Variants in CTNNA2 observed in about 807,000 individuals in gnomAD.
CTNNA2 encodes catenin alpha 2, also known as catenin alpha-2.
In CTNNA2, 42 loss-of-function variants were observed where a neutral mutation model predicts 101.0. The ratio of observed to expected loss-of-function variants is 0.42; its 90% CI spans 0.32 to 0.54. CTNNA2 has a LOEUF of 0.54. Ranked by LOEUF, CTNNA2 falls within the 20% of genes least tolerant of loss-of-function variation. The probability of loss-of-function intolerance (pLI) is 0.14; values close to 1 mark genes in which losing one functional copy is unlikely to be tolerated. For missense variants in CTNNA2, 871 were observed against 1,223.1 expected (o/e 0.71, Z 4.29); for synonymous variants, 450 against 456.4 (o/e 0.99, Z 0.18).
chr2:79,902,528 C>T (rs1685132678), intron 6 of CTNNA2, among the ~76,000 whole-genome samples: 1 of 152,166 alleles, frequency 6.6e-6, no homozygotes, highest in African/African-American at 2.4e-5. Flanking sequence ...ATCAACCTTC[C>T]ACCAGACTTC....
intron 4 of CTNNA2, among the ~76,000 whole-genome samples, chr2:79,449,064 C>A (rs1018956765): frequency 1.3e-5 from 2 of 151,948 alleles, no homozygotes; most frequent in African/African-American, 4.8e-5. Flanking sequence ...CAAGATAGTT[C>A]CTGTGACTCA....
intron 14 of CTNNA2, among the ~76,000 whole-genome samples, chr2:80,582,052 C>A (rs1210409759): frequency 6.6e-6 from 1 of 152,072 alleles, no homozygotes; most frequent in East Asian, 1.9e-4. Flanking sequence ...ACATAGCAAC[C>A]ACATCACAGC....
chr2:80,545,765 T>C, intron 10 of CTNNA2, 142 bp from the exon 11 acceptor site: 1 of 659,310 alleles, frequency 1.5e-6, no homozygotes, highest in Non-Finnish European at 2.4e-6. Flanking sequence ...ATCTTTTATG[T>C]GTTTGATTGT....
At chr2:79,469,194 G>C (rs907786895) in intron 4 of CTNNA2, among the ~76,000 whole-genome samples, 2 of 152,002 alleles carry the variant, frequency 1.3e-5, no homozygotes, top group African/African-American at 4.8e-5. Context: ...TGATAAAGAG[G>C]ATATCACCTC....
At chr2:79,649,733 C>T (rs368475598) in intron 1 of CTNNA2, among the ~76,000 whole-genome samples, 4 of 152,138 alleles carry the variant, frequency 2.6e-5, no homozygotes, top group Non-Finnish European at 4.4e-5. Context: ...AAATCTAAAT[C>T]GGTCTGTATG....
At chr2:79,225,750 G>A (rs544917380) in intron 2 of CTNNA2, among the ~76,000 whole-genome samples, 1 of 152,256 alleles carries the variant, frequency 6.6e-6, no homozygotes, top group South Asian at 2.1e-4. Flanking sequence ...CCAGAATGAG[G>A]TACTATGTGC....
At chr2:79,282,461 C>T (rs1385643080) in intron 2 of CTNNA2, among the ~76,000 whole-genome samples, 1 of 151,802 alleles carries the variant, frequency 6.6e-6, no homozygotes, top group African/African-American at 2.4e-5. Flanking sequence ...CCTGTGTCCA[C>T]GTGTTCTCAT....
chr2:80,472,908 A>T (rs1184341745), intron 9 of CTNNA2, among the ~76,000 whole-genome samples: 1 of 152,132 alleles, frequency 6.6e-6, no homozygotes, highest in Non-Finnish European at 1.5e-5. Context: ...CTAGGAGAGG[A>T]TGAGGTCTGC....
Position 80,647,881 on chromosome 2 carries a change from G to T in CTNNA2, c.*9G>T. ...CAATGGATTCCTTCTAGGACGATAGGTTTTAACAAGAAAGCTTTTTCTTTC... is the reference window on the plus strand; with the variant it reads ...CAATGGATTCCTTCTAGGACGATAGTTTTTAACAAGAAAGCTTTTTCTTTC... On this transcript the variant is annotated 3_prime_UTR_variant, in exon 19 of 19. Transcript: ENST00000402739. 6.5e-7 allele frequency: 1 copy of T among 1,544,770 alleles called. No individual in the cohort carries two copies. Among genetic ancestry groups the T allele is most frequent in the Non-Finnish European group, 8.7e-7 (1 of 1,147,728 alleles).
intron 2 of CTNNA2, among the ~76,000 whole-genome samples, chr2:79,268,492 T>C (rs1013684681): frequency 2.0e-5 from 3 of 152,094 alleles, no homozygotes; most frequent in Non-Finnish European, 4.4e-5. Flanking sequence ...TTCCCTGAGT[T>C]CTGTGAGCTG....
At chr2:79,211,360 GA>G (rs1674170394) in intron 2 of CTNNA2, among the ~76,000 whole-genome samples, 1 of 152,210 alleles carries the variant, frequency 6.6e-6, no homozygotes, top group Non-Finnish European at 1.5e-5. Context: ...GCGCGTCCGT[GA>G]GAAGAGACCA....
At chr2:79,985,089 A>G (rs1485155064) in intron 7 of CTNNA2, among the ~76,000 whole-genome samples, 14 of 152,146 alleles carry the variant, frequency 9.2e-5, no homozygotes, top group Admixed American at 9.2e-4. Flanking sequence ...ACTGACCCCC[A>G]GCCTGCATGA....
At chr2:80,199,117 G>T (rs1248251675) in intron 7 of CTNNA2, among the ~76,000 whole-genome samples, 2 of 144,852 alleles carry the variant, frequency 1.4e-5, no homozygotes, top group African/African-American at 2.6e-5. Context: ...GGAGGCGGAG[G>T]TTGCAGTGAG....
intron 1 of CTNNA2, among the ~76,000 whole-genome samples, chr2:79,571,504 G>T (rs1486884485): frequency 6.6e-6 from 1 of 152,064 alleles, no homozygotes; most frequent in African/African-American, 2.4e-5. Flanking sequence ...TGTCTTTTCA[G>T]CTTTTAAACT....
intron 1 of CTNNA2, among the ~76,000 whole-genome samples, chr2:79,542,870 T>C (rs1189471548): frequency 6.6e-6 from 1 of 152,182 alleles, no homozygotes; most frequent in Non-Finnish European, 1.5e-5. Context: ...TTTTTCACTG[T>C]AGTGCATTTC....
At chr2:79,402,270 G>C (rs1678297587) in intron 4 of CTNNA2, among the ~76,000 whole-genome samples, 1 of 151,754 alleles carries the variant, frequency 6.6e-6, no homozygotes, top group African/African-American at 2.4e-5. Context: ...CAGCAAAGAT[G>C]TGGAAAAGTT....
chr2:79,537,731 A>G (rs1422466799), intron 1 of CTNNA2, among the ~76,000 whole-genome samples: 2 of 151,622 alleles, frequency 1.3e-5, no homozygotes, highest in Non-Finnish European at 2.9e-5. Context: ...AATACTTACC[A>G]TGTCAGTTAT....
chr2:79,337,634 C>A (rs1043742676), intron 3 of CTNNA2, among the ~76,000 whole-genome samples: 3 of 152,166 alleles, frequency 2.0e-5, no homozygotes, highest in Admixed American at 6.5e-5. Context: ...TATATAGATT[C>A]TCTTAATCTA....
chr2:80,124,191 T>G (rs1380462927), intron 7 of CTNNA2, among the ~76,000 whole-genome samples: 1 of 152,140 alleles, frequency 6.6e-6, no homozygotes, highest in Non-Finnish European at 1.5e-5. Flanking sequence ...GTCATGTTCC[T>G]TTTTGAGCTT....
Sources: allele counts gnomAD v4.1 joint callset (sites outside exome capture counted in the v4.1 genomes callset), GRCh38; gene constraint gnomAD v4.1.1; transcripts MANE v1.5; gene names NCBI Gene and HGNC (gene_info 2026-07-23, HGNC 2026-07-21).